Variants in NUP205 observed in about 807,000 individuals in gnomAD.
NUP205 encodes the protein nuclear pore complex protein Nup205.
In NUP205, 76 loss-of-function variants were observed where a neutral mutation model predicts 253.8. The ratio of observed to expected loss-of-function variants is 0.30; its 90% CI spans 0.25 to 0.36. NUP205 has a LOEUF of 0.36. Ranked by LOEUF, NUP205 falls within the 10% of genes least tolerant of loss-of-function variation. The pLI is 1.00. For missense variants in NUP205, 2,162 were observed against 2,425.5 expected, an observed-to-expected ratio of 0.89 and a Z score of 2.28; for synonymous variants, 832 against 850.1, an observed-to-expected ratio of 0.98 and a Z score of 0.37.
intron 3 of NUP205, among the ~76,000 whole-genome samples, 183 bp from the exon 4 acceptor site, chr7:135,576,087 G>A (rs138116328): frequency 6.9e-4 from 105 of 152,232 alleles, no homozygotes; most frequent in Middle Eastern, 6.8e-3. Context: ...AAGTTGGATG[G>A]CCCTCGAATA....
rs773304291 is a variant in NUP205, at chr7:135,577,935, C to T, written c.788C>T (p.Ser263Leu). ...AGAGTGACAGTTGAGGCTAATGGCT[C>T]ACTGGATGCAGTGAATCTGGCTCTT... ...LERVTVEANG[S>L]LDAVNLALLM... Residue 263 changes from serine to leucine, a missense_variant, in exon 6 of 43, where the codon TCA (serine) becomes TTA (leucine). Physicochemically the swap from Ser to Leu is moderately radical, Grantham distance 145. This residue lies in a region of NUP205 where 892 missense variants were observed against 957.1 expected (regional missense o/e 0.93). Transcript: ENST00000285968. 2.5e-6 allele frequency: 4 copies of T among 1,614,014 alleles called. No individual in the cohort carries two copies. Among genetic ancestry groups the T allele is most frequent in the South Asian group, 2.2e-5 (2 of 91,078 alleles).
intron 39 of NUP205, among the ~76,000 whole-genome samples, chr7:135,644,518 G>A (rs537172874): frequency 4.5e-4 from 68 of 152,308 alleles, no homozygotes; most frequent in Admixed American, 1.2e-3. Flanking sequence ...TGTCTACCTT[G>A]TATTTTTTGC....
At position 135,587,646 on chromosome 7, in the gene NUP205, A is replaced by AC; in HGVS notation, c.1296dup (p.Ile433HisfsTer4). 2 of 1,610,864 alleles carry AC rather than the reference A, an allele frequency of 1.2e-6. No individual in the cohort carries two copies. Among genetic ancestry groups the AC allele is most frequent in the Non-Finnish European group, 1.7e-6 (2 of 1,178,510 alleles). On this transcript the variant is annotated frameshift_variant, in exon 9 of 43. Transcript: ENST00000285968. LOFTEE classifies it high-confidence loss of function. ...ACATGAGTATGCAGATGGGTAATGA[A>AC]CCCCCCATTTCACTTAGAAGGGACC...
Position 135,638,567 on chromosome 7 carries a change from A to C in NUP205, c.5276A>C (p.Asn1759Thr), listed in dbSNP as rs144797408. Residue 1759 changes from asparagine to threonine, a missense_variant, in exon 38 of 43, where the codon AAT becomes ACT. Physicochemically the swap from Asn to Thr is moderately conservative, Grantham distance 65. Coordinates refer to ENST00000285968, the MANE Select transcript of NUP205 (RefSeq NM_015135.3). ...IELAMQQICA[N>T]VMEYCQSLML... ...GTTTTTTGATTATAGATTTGTGCCA[A>C]TGTAATGGAATATTGCCAGTCACTC... is the stretch of plus-strand genomic sequence containing the variant. The C allele has an allele frequency of 6.2e-7, 1 of 1,613,884 alleles. No homozygotes were observed. Among genetic ancestry groups the C allele is most frequent in the Non-Finnish European group, 8.5e-7 (1 of 1,179,890 alleles).
intron 36 of NUP205, among the ~76,000 whole-genome samples, chr7:135,636,568 T>A (rs929951716): frequency 6.6e-6 from 1 of 152,206 alleles, no homozygotes; most frequent in Non-Finnish European, 1.5e-5. Context: ...GGATCTTTCA[T>A]AAGGTGAGCT....
intron 42 of NUP205, among the ~76,000 whole-genome samples, chr7:135,647,374 C>T (rs1443396664): frequency 3.9e-5 from 6 of 152,210 alleles, no homozygotes; most frequent in Admixed American, 6.5e-5. Context: ...ATGAATACCA[C>T]GCTCCCATCC....
intron 19 of NUP205, among the ~76,000 whole-genome samples, chr7:135,605,643 T>G (rs553728411): frequency 6.6e-6 from 1 of 152,352 alleles, no homozygotes; most frequent in Admixed American, 6.5e-5. Flanking sequence ...GTTTTTGATG[T>G]GCTGATTTTT....
chr7:135,559,144 A>T (rs892828946), intron 1 of NUP205, among the ~76,000 whole-genome samples: 3 of 152,190 alleles, frequency 2.0e-5, no homozygotes, highest in Admixed American at 6.5e-5. Context: ...ATAGTTACGT[A>T]ATGTCCCCAG....
intron 1 of NUP205, among the ~76,000 whole-genome samples, chr7:135,570,802 A>AAT (rs1217485831): frequency 3.8e-5 from 4 of 105,826 alleles, no homozygotes; most frequent in East Asian, 4.2e-4. Flanking sequence ...ATATTATATT[A>AAT]ATATATATTA....
intron 38 of NUP205, among the ~76,000 whole-genome samples, chr7:135,639,775 A>G (rs1039610912): frequency 4.6e-5 from 7 of 152,176 alleles, no homozygotes; most frequent in Non-Finnish European, 4.4e-5. Flanking sequence ...TTATTGCAGC[A>G]CTATTTACAA....
chr7:135,576,261 C>A lies in NUP205; in HGVS notation c.344-9C>A, dbSNP rs12539427. ...ATTAACAATATTATTTCTCAACTTCCTTTTTTAGGAGAGCATCAACAGCCA... is the reference window on the plus strand; with the variant it reads ...ATTAACAATATTATTTCTCAACTTCATTTTTTAGGAGAGCATCAACAGCCA... On this transcript the variant is annotated splice_polypyrimidine_tract_variant and intron_variant, in intron 3 of 42. Transcript: ENST00000285968. The A allele has an allele frequency of 1.2e-6, 2 of 1,609,856 alleles. No homozygotes were observed. The highest frequency in any genetic ancestry group is 1.7e-5 in the Admixed American group (1 of 59,388).
chr7:135,638,413 TGAA>T, intron 37 of NUP205, 141 bp from the exon 38 acceptor site: 1 of 572,700 alleles, frequency 1.7e-6, no homozygotes, highest in African/African-American at 2.7e-5. Flanking sequence ...AGACTCCATC[TGAA>T]AAAAAAAAAA....
intron 1 of NUP205, among the ~76,000 whole-genome samples, chr7:135,567,289 AT>A (rs1563108185): frequency 6.9e-6 from 1 of 145,460 alleles, no homozygotes; most frequent in African/African-American, 2.5e-5. Flanking sequence ...CCTTTAAAAA[AT>A]TTTTTTTTCA....
In NUP205 at chr7:135,628,660, T is replaced by A. The variant is rs192436364; in HGVS notation, c.4932+549T>A. Among the ~76,000 whole-genome samples the A allele has an allele frequency of 5.8e-3, 885 of 152,356 alleles. 14 individuals are homozygous for A. Among genetic ancestry groups the A allele is most frequent in the East Asian group, 0.052 (268 of 5,190 alleles). ...ACTAACATTCCAACACACATTTTTT[T>A]AAAAATTAATATTATATGTAATTTA... On this transcript the variant is annotated intron_variant, in intron 34 of 42. Coordinates refer to ENST00000285968, the MANE Select transcript of NUP205 (RefSeq NM_015135.3).
intron 7 of NUP205, among the ~76,000 whole-genome samples, chr7:135,580,792 T>C (rs1466699869): frequency 6.6e-6 from 1 of 152,010 alleles, no homozygotes; most frequent in Non-Finnish European, 1.5e-5. Context: ...CTATATAATA[T>C]AGTTATACAT....
chr7:135,643,374 T>C lies in NUP205; in HGVS notation c.5559+16T>C. On this transcript the variant is annotated intron_variant, in intron 39 of 42. Coordinates refer to ENST00000285968, the MANE Select transcript of NUP205 (RefSeq NM_015135.3). Reference sequence around the variant, plus strand: ...GATAAAAGAGGTACGAATCTTATAATGAGCTGGGGGGACTTGAGAAATCAT... The same window carrying C: ...GATAAAAGAGGTACGAATCTTATAACGAGCTGGGGGGACTTGAGAAATCAT... 2 of 1,608,352 alleles carry C rather than the reference T, an allele frequency of 1.2e-6. No homozygotes were observed. Among genetic ancestry groups the C allele is most frequent in the Non-Finnish European group, 8.5e-7 (1 of 1,176,022 alleles).
intron 19 of NUP205, among the ~76,000 whole-genome samples, chr7:135,605,830 G>C (rs1299195279): frequency 6.6e-6 from 1 of 150,508 alleles, no homozygotes; most frequent in Non-Finnish European, 1.5e-5. Context: ...ATAATGAAGA[G>C]GTCAGTAAAC....
At chr7:135,559,619 C>A (rs1805524777) in intron 1 of NUP205, among the ~76,000 whole-genome samples, 1 of 151,984 alleles carries the variant, frequency 6.6e-6, no homozygotes, top group Non-Finnish European at 1.5e-5. Context: ...GATCTTTCTG[C>A]CTCGGCCTCC....
At chr7:135,629,858 A>T (rs1003652576) in intron 34 of NUP205, among the ~76,000 whole-genome samples, 112 of 152,232 alleles carry the variant, frequency 7.4e-4, no homozygotes, top group Middle Eastern at 6.8e-3. Flanking sequence ...GAATTTTTTT[A>T]AAAAAAGAAT....
Sources: gnomAD v4.1 joint callset for allele counts (sites outside exome capture counted in the v4.1 genomes callset) on GRCh38, gnomAD v4.1.1 for gene constraint, gnomAD v4.1.1 regional missense constraint, MANE v1.5 for transcripts, NCBI Gene and HGNC (gene_info 2026-07-23, HGNC 2026-07-21) for gene names.